The following PLEKHA7 variants were observed in gnomAD, a reference collection of about 807,000 sequenced individuals.
The protein encoded by PLEKHA7 is pleckstrin homology domain-containing family A member 7.
In PLEKHA7, 104 loss-of-function variants were observed where a neutral mutation model predicts 170.0. That is an observed-to-expected ratio of 0.61 (90% CI 0.52 to 0.72). PLEKHA7 has a LOEUF of 0.72. Among genes scored for constraint, PLEKHA7 ranks in the 30% least tolerant of loss-of-function variants. PLEKHA7 has a pLI of 0.00. For synonymous variants in PLEKHA7, 648 were observed against 660.8 expected (o/e 0.98, Z 0.30); for missense variants, 1,615 against 1,671.7 (o/e 0.97, Z 0.59).
At chr11:16,797,440 G>C (rs7940814) in intron 17 of PLEKHA7, among the ~76,000 whole-genome samples, 1,536 of 152,234 alleles carry the variant, frequency 0.01, 22 homozygotes, top group African/African-American at 0.035. Context: ...ACAGGGCCTG[G>C]CACTTAGCAG....
intron 3 of PLEKHA7, among the ~76,000 whole-genome samples, chr11:16,907,582 C>T (rs1454457924): frequency 2.7e-4 from 33 of 123,486 alleles, no homozygotes; most frequent in Admixed American, 1.1e-3. Flanking sequence ...GCCCCCCGCC[C>T]GGCCAGCCGC....
intron 3 of PLEKHA7, among the ~76,000 whole-genome samples, chr11:16,999,594 T>C (rs967994334): frequency 2.0e-5 from 3 of 152,082 alleles, no homozygotes; most frequent in Admixed American, 6.5e-5. Context: ...CAGACAGCTG[T>C]ACCCCACTGA....
chr11:16,783,894 T>C (rs758919134), intron 24 of PLEKHA7, 61 bp from the exon 25 acceptor site: 28 of 1,345,656 alleles, frequency 2.1e-5, no homozygotes, highest in Admixed American at 3.5e-5. Flanking sequence ...TAGGACTCGC[T>C]TTCCCCACCT....
intron 3 of PLEKHA7, among the ~76,000 whole-genome samples, chr11:16,882,670 A>C (rs1855796051): frequency 6.6e-6 from 1 of 152,194 alleles, no homozygotes; most frequent in African/African-American, 2.4e-5. Context: ...GATTAGGTTT[A>C]AGAGCACAAA....
intron 3 of PLEKHA7, among the ~76,000 whole-genome samples, chr11:16,997,684 G>A (rs1354238954): frequency 1.3e-5 from 2 of 152,234 alleles, no homozygotes; most frequent in Admixed American, 1.3e-4. Context: ...TGCAACACCT[G>A]GGGGCTTCTC....
intron 3 of PLEKHA7, among the ~76,000 whole-genome samples, chr11:16,889,416 AAAAAATATAT>A (rs1258618742): frequency 6.6e-4 from 72 of 109,812 alleles, no homozygotes; most frequent in East Asian, 4.5e-3. Context: ...AAAAAAAAAA[AAAAAATATAT>A]ATATATATAT....
chr11:16,782,048 G>A (rs1849059824), intron 26 of PLEKHA7, among the ~76,000 whole-genome samples: 1 of 151,996 alleles, frequency 6.6e-6, no homozygotes, highest in South Asian at 2.1e-4. Flanking sequence ...CTTCCTGGCT[G>A]AGAGAAAGAG....
At chr11:16,973,592 G>A (rs1350414905) in intron 3 of PLEKHA7, among the ~76,000 whole-genome samples, 2 of 152,186 alleles carry the variant, frequency 1.3e-5, no homozygotes, top group African/African-American at 4.8e-5. Flanking sequence ...GGGGCTTAAA[G>A]GAAAATACTG....
chr11:16,804,756 G>GA (rs752515696), intron 13 of PLEKHA7, among the ~76,000 whole-genome samples: 3 of 152,186 alleles, frequency 2.0e-5, no homozygotes, highest in African/African-American at 7.2e-5. Context: ...TGAGTTCCCG[G>GA]AAAAAATAGA....
intron 3 of PLEKHA7, among the ~76,000 whole-genome samples, chr11:17,007,650 G>A (rs527540830): frequency 4.7e-5 from 7 of 150,002 alleles, no homozygotes; most frequent in East Asian, 3.9e-4. Flanking sequence ...CTCAGTTCAC[G>A]GCAACCTCCG....
intron 3 of PLEKHA7, among the ~76,000 whole-genome samples, chr11:16,972,822 G>A (rs532724864): frequency 5.1e-4 from 78 of 152,280 alleles, no homozygotes; most frequent in African/African-American, 1.8e-3. Flanking sequence ...CTGTGACTCA[G>A]CAGCTGGATT....
At chr11:16,788,914 C>T in intron 23 of PLEKHA7, 182 bp downstream of exon 23, 2 of 735,420 alleles carry the variant, frequency 2.7e-6, no homozygotes, top group Non-Finnish European at 4.4e-6. Flanking sequence ...TTCAGGTCAC[C>T]CTCTGACCAG....
intron 3 of PLEKHA7, among the ~76,000 whole-genome samples, chr11:16,902,159 T>C (rs1265306889): frequency 2.0e-5 from 3 of 152,364 alleles, no homozygotes; most frequent in African/African-American, 7.2e-5. Flanking sequence ...GCGTTCTTGT[T>C]GTAGCATGTA....
chr11:17,006,590 GCACTCCAGC>G (rs1865008711), intron 3 of PLEKHA7, among the ~76,000 whole-genome samples: 2 of 146,624 alleles, frequency 1.4e-5, no homozygotes, highest in African/African-American at 5.1e-5. Flanking sequence ...TGCCGCCACT[GCACTCCAGC>G]CTGGGTGACA....
intron 4 of PLEKHA7, 114 bp downstream of exon 4, chr11:16,870,985 C>T (rs777268116): frequency 2.8e-6 from 2 of 713,468 alleles, no homozygotes; most frequent in Admixed American, 5.2e-5. Flanking sequence ...AACCAACCCA[C>T]TCACCCCAAG....
chr11:16,827,780 CA>C (rs1300646224), intron 9 of PLEKHA7, among the ~76,000 whole-genome samples: 2 of 136,920 alleles, frequency 1.5e-5, no homozygotes, highest in African/African-American at 5.4e-5. Flanking sequence ...GAAAAAATAA[CA>C]AAGACGTTTA....
chr11:16,786,676 CCA>C lies in PLEKHA7; in HGVS notation c.3358-291_3358-290del. 3 of 985,346 alleles carry C rather than the reference CCA, an allele frequency of 3.0e-6. 1 individual carries two copies. The African/African-American group carries it at 5.2e-5, about 17-fold the overall frequency. 61.0% of individuals were successfully genotyped at this position (985,346 alleles called of 1,614,324 possible). A position where few individuals can be genotyped will look rare whatever the true frequency, so the allele number is the denominator to read the frequency against. On this transcript the variant is annotated intron_variant, in intron 23 of 26. Coordinates refer to ENST00000531066, the MANE Select transcript of PLEKHA7 (RefSeq NM_001329630.2). The stretch of plus-strand genomic sequence containing the variant: ...TGGTCCCCAGGGAAATAGAAGGCTC[CCA>C]GAGAGGGTGACCTCCAAACAACTTG...
chr11:16,796,987 CAT>C (rs1389765964), intron 17 of PLEKHA7, among the ~76,000 whole-genome samples: 26 of 152,146 alleles, frequency 1.7e-4, no homozygotes, highest in Middle Eastern at 3.4e-3. Context: ...AATTTTATGA[CAT>C]GTGAAATATA....
At chr11:17,014,240 C>A (rs760543782) in intron 1 of PLEKHA7, 39 bp from the exon 2 acceptor site, 11 of 1,430,656 alleles carry the variant, frequency 7.7e-6, no homozygotes, top group African/African-American at 1.5e-5. Flanking sequence ...GCCGCCACAG[C>A]CCGCCGGGTG....
Sources: gnomAD v4.1 joint callset for allele counts (sites outside exome capture counted in the v4.1 genomes callset) on GRCh38, gnomAD v4.1.1 for gene constraint, MANE v1.5 for transcripts, NCBI Gene and HGNC (gene_info 2026-07-23, HGNC 2026-07-21) for gene names.